The following SPOCK3 variants were observed in gnomAD, a reference collection of about 807,000 sequenced individuals.
The protein encoded by SPOCK3 is testican-3.
SPOCK3 carries 30 observed loss-of-function variants against 56.6 expected under a neutral mutation model. That is an observed-to-expected ratio of 0.53 (90% CI 0.40 to 0.72). The LOEUF is 0.72. Among genes scored for constraint, SPOCK3 ranks in the 30% least tolerant of loss-of-function variants. The probability of loss-of-function intolerance (pLI) is 0.00; values close to 1 mark genes in which losing one functional copy is unlikely to be tolerated. For missense variants in SPOCK3, 527 were observed against 530.0 expected (o/e 0.99, Z 0.06); for synonymous variants, 196 against 183.3 (o/e 1.07, Z -0.56).
chr4:166,910,298 T>C (rs535990482), intron 5 of SPOCK3, among the ~76,000 whole-genome samples: 58 of 152,260 alleles, frequency 3.8e-4, no homozygotes, highest in Non-Finnish European at 1.0e-4. Context: ...TGTCTTTCTA[T>C]GTAAAAAAGC....
In SPOCK3 at chr4:166,994,091, C is replaced by T. The variant is rs114240417; in HGVS notation, c.350+6258G>A. On this transcript the variant is annotated intron_variant, in intron 4 of 10. Coordinates refer to ENST00000357545, the MANE Select transcript of SPOCK3 (RefSeq NM_001040159.2). ...TTATGCTGAAAAGCCTTCTCAGAAA[C>T]GGAGTCTGCCAGAAGAACAAAGGAA... Among the ~76,000 whole-genome samples, 846 of 152,194 alleles carry T rather than the reference C, an allele frequency of 5.6e-3. 6 individuals carry two copies. Among genetic ancestry groups the T allele is most frequent in the African/African-American group, 0.019 (797 of 41,536 alleles).
chr4:166,790,158 G>T (rs1300990534), intron 7 of SPOCK3, among the ~76,000 whole-genome samples: 2 of 152,102 alleles, frequency 1.3e-5, no homozygotes, highest in East Asian at 1.9e-4. Flanking sequence ...CTCTATCCTA[G>T]GTTCTGGAAA....
At chr4:167,187,936 A>G (rs574930467) in intron 2 of SPOCK3, among the ~76,000 whole-genome samples, 57 of 152,280 alleles carry the variant, frequency 3.7e-4, no homozygotes, top group African/African-American at 1.2e-3. Flanking sequence ...GGAAGAAAAA[A>G]GACTGCCCAC....
chr4:167,211,924 C>T (rs1474661544), intron 2 of SPOCK3, among the ~76,000 whole-genome samples: 1 of 152,158 alleles, frequency 6.6e-6, no homozygotes, highest in Non-Finnish European at 1.5e-5. Flanking sequence ...ACAGAAACTT[C>T]AAGACCTATT....
At chr4:167,146,874 G>A (rs1313376450) in intron 2 of SPOCK3, among the ~76,000 whole-genome samples, 3 of 152,024 alleles carry the variant, frequency 2.0e-5, no homozygotes, top group African/African-American at 7.2e-5. Flanking sequence ...ATCTAAAACT[G>A]ACACCCTAAC....
intron 3 of SPOCK3, among the ~76,000 whole-genome samples, chr4:167,054,266 AC>A (rs1754547794): frequency 6.6e-6 from 1 of 152,208 alleles, no homozygotes; most frequent in African/African-American, 2.4e-5. Flanking sequence ...TCAATTTATG[AC>A]CACAAACAAG....
At chr4:166,956,564 G>T (rs1743499400) in intron 4 of SPOCK3, among the ~76,000 whole-genome samples, 1 of 152,124 alleles carries the variant, frequency 6.6e-6, no homozygotes, top group African/African-American at 2.4e-5. Flanking sequence ...CAGCAAGCCA[G>T]TTAACACTTA....
At chr4:167,046,416 GTTCCT>G (rs1039929536) in intron 3 of SPOCK3, among the ~76,000 whole-genome samples, 2 of 85,380 alleles carry the variant, frequency 2.3e-5, no homozygotes, top group Non-Finnish European at 5.2e-5. Context: ...TATTTATTCT[GTTCCT>G]TTATTATCTT....
At chr4:167,009,010 C>T (rs890451715) in intron 3 of SPOCK3, among the ~76,000 whole-genome samples, 2 of 152,010 alleles carry the variant, frequency 1.3e-5, no homozygotes, top group African/African-American at 2.4e-5. Context: ...AAGAATAATA[C>T]ACCCCTAAAA....
chr4:166,799,360 C>T (rs1179701428), intron 6 of SPOCK3, among the ~76,000 whole-genome samples: 1 of 152,154 alleles, frequency 6.6e-6, no homozygotes, highest in Non-Finnish European at 1.5e-5. Context: ...TTCCAAACAT[C>T]ACCTTTTTCA....
At chr4:167,185,410 C>T (rs893986462) in intron 2 of SPOCK3, among the ~76,000 whole-genome samples, 1 of 152,152 alleles carries the variant, frequency 6.6e-6, no homozygotes, top group Non-Finnish European at 1.5e-5. Context: ...TCATCCTGTG[C>T]CTACACACTT....
At chr4:166,745,824 C>T (rs1187159594) in intron 8 of SPOCK3, among the ~76,000 whole-genome samples, 1 of 151,844 alleles carries the variant, frequency 6.6e-6, no homozygotes, top group African/African-American at 2.4e-5. Context: ...ACAAAAAAAG[C>T]AGGGTTGCAA....
chr4:166,860,819 A>ATATATATATATATATATG (rs1240242462), intron 6 of SPOCK3, among the ~76,000 whole-genome samples: 8 of 144,756 alleles, frequency 5.5e-5, no homozygotes, highest in Non-Finnish European at 9.1e-5. Flanking sequence ...ATATATATGT[A>ATATATATATATATATATG]TATATATATA....
At chr4:167,066,883 T>A (rs1756192550) in intron 2 of SPOCK3, among the ~76,000 whole-genome samples, 1 of 151,906 alleles carries the variant, frequency 6.6e-6, no homozygotes, top group African/African-American at 2.4e-5. Flanking sequence ...CAATAACTGG[T>A]TACAACTAGG....
At chr4:167,130,581 T>G (rs1206204663) in intron 2 of SPOCK3, among the ~76,000 whole-genome samples, 6 of 152,134 alleles carry the variant, frequency 3.9e-5, no homozygotes, top group Non-Finnish European at 1.5e-5. Context: ...TTGTACTTAA[T>G]ATAAACATCT....
At chr4:167,030,351 T>C (rs1752155191) in intron 3 of SPOCK3, among the ~76,000 whole-genome samples, 2 of 152,084 alleles carry the variant, frequency 1.3e-5, no homozygotes, top group African/African-American at 4.8e-5. Context: ...TTTATCAAGA[T>C]CAGATTACCA....
chr4:166,932,337 T>C (rs1223983616), intron 4 of SPOCK3, among the ~76,000 whole-genome samples: 1 of 152,162 alleles, frequency 6.6e-6, no homozygotes, highest in Non-Finnish European at 1.5e-5. Flanking sequence ...TCTTCAGTCA[T>C]ATTACCAAAA....
At chr4:167,122,257 A>C (rs538402098) in intron 2 of SPOCK3, among the ~76,000 whole-genome samples, 1 of 151,992 alleles carries the variant, frequency 6.6e-6, no homozygotes, top group Admixed American at 6.6e-5. Context: ...CCTGGGCTCA[A>C]GTAATCCTTC....
At chr4:166,928,220 T>C (rs1371264464) in intron 4 of SPOCK3, among the ~76,000 whole-genome samples, 2 of 152,198 alleles carry the variant, frequency 1.3e-5, no homozygotes, top group African/African-American at 2.4e-5. Flanking sequence ...GCAATTATAC[T>C]CATTGGTATG....
Sources: allele counts gnomAD v4.1 joint callset (sites outside exome capture counted in the v4.1 genomes callset), GRCh38; gene constraint gnomAD v4.1.1; transcripts MANE v1.5; gene names NCBI Gene and HGNC (gene_info 2026-07-23, HGNC 2026-07-21).